The following PSIP1 variants were observed in gnomAD, a reference collection of about 807,000 sequenced individuals.
PSIP1 encodes PC4 and SFRS1-interacting protein.
A neutral mutation model predicts 74.7 loss-of-function variants in PSIP1; 19 were observed. That is an observed-to-expected ratio of 0.25 (90% CI 0.18 to 0.37). The LOEUF (loss-of-function observed/expected upper bound fraction) is 0.37, where lower values mean the gene tolerates loss of function less well. PSIP1 is among the 10% of genes least tolerant of loss of function. PSIP1 has a pLI of 1.00. For missense variants in PSIP1, 601 were observed against 614.3 expected (o/e 0.98, Z 0.23); for synonymous variants, 222 against 195.3 (o/e 1.14, Z -1.14).
intron 6 of PSIP1, among the ~76,000 whole-genome samples, 161 bp from the exon 7 acceptor site, chr9:15,479,848 T>C: frequency 6.6e-6 from 1 of 152,278 alleles, no homozygotes; most frequent in South Asian, 2.1e-4. Flanking sequence ...AAGAGTAACA[T>C]CTTCAAACTT....
chr9:15,468,055 G>A (rs902444521), intron 14 of PSIP1, among the ~76,000 whole-genome samples: 4 of 121,338 alleles, frequency 3.3e-5, no homozygotes, highest in Non-Finnish European at 6.5e-5. Context: ...AGAAGGTGGA[G>A]GGTTGTGGTG....
chr9:15,479,387 A>G (rs1221325303), intron 7 of PSIP1, among the ~76,000 whole-genome samples: 2 of 152,166 alleles, frequency 1.3e-5, no homozygotes, highest in African/African-American at 2.4e-5. Context: ...TAGGGAAAAC[A>G]TAACAGAGAT....
rs1263583084 is a variant in PSIP1, at chr9:15,510,248, C to A, written c.-60G>T. ...GAGGCGGCGAGGAGATGCGGCGGCGCGGGGATGCGGGCGGCGGACGCGGGC... is the reference window on the plus strand; with the variant it reads ...GAGGCGGCGAGGAGATGCGGCGGCGAGGGGATGCGGGCGGCGGACGCGGGC... On this transcript the variant is annotated 5_prime_UTR_variant, in exon 2 of 16. Transcript: ENST00000380733. 1.3e-6 allele frequency: 2 copies of A among 1,526,814 alleles called. No individual in the cohort carries two copies. The highest frequency in any genetic ancestry group is 2.4e-5 in the East Asian group (1 of 41,480). 94.6% of individuals were successfully genotyped at this position (1,526,814 alleles called of 1,614,324 possible).
chr9:15,464,561 A>G lies in PSIP1; in HGVS notation c.*959T>C, dbSNP rs1482363333. On this transcript the variant is annotated 3_prime_UTR_variant, in exon 16 of 16. Coordinates refer to ENST00000380733, the MANE Select transcript of PSIP1 (RefSeq NM_033222.5). ...TTTTGGAATCTAGAAAATAAAAACA[A>G]TATAGCCATGATTTCAAATAGGTGA... The G allele has an allele frequency of 1.0e-5, 2 of 199,572 alleles. No individual in the cohort carries two copies. Among genetic ancestry groups the G allele is most frequent in the Non-Finnish European group, 2.1e-5 (2 of 97,004 alleles). The allele number at this position is 199,572 out of a possible 1,614,324, so 12.4% of individuals were successfully genotyped here.
chr9:15,490,246 A>G (rs1382713980), intron 3 of PSIP1, 122 bp from the exon 4 acceptor site: 8 of 933,358 alleles, frequency 8.6e-6, no homozygotes, highest in East Asian at 5.9e-5. Context: ...CAAATCTTAA[A>G]TAAGTTAAAG....
chr9:15,484,787 C>T (rs2036487328), intron 6 of PSIP1, among the ~76,000 whole-genome samples: 1 of 151,506 alleles, frequency 6.6e-6, no homozygotes, highest in Non-Finnish European at 1.5e-5. Context: ...GTGGTGCATG[C>T]CTGTAATCCC....
rs759577979 is a variant in PSIP1, at chr9:15,506,649, GTGAGAA to G, written c.73-18_73-13del. The G allele has an allele frequency of 1.9e-6, 3 of 1,586,508 alleles. 1 individual carries two copies. The South Asian group carries it at 3.3e-5, about 18-fold the overall frequency. On this transcript the variant is annotated splice_polypyrimidine_tract_variant and intron_variant, in intron 2 of 15. Coordinates refer to ENST00000380733, the MANE Select transcript of PSIP1 (RefSeq NM_033222.5). ...GGAACTTCGTCTACCTAAAAGAAAA[GTGAGAA>G]AAATTAAAATATTTTAAATCATACA...
chr9:15,479,190 G>A, intron 7 of PSIP1, among the ~76,000 whole-genome samples: 1 of 152,034 alleles, frequency 6.6e-6, no homozygotes, highest in Admixed American at 6.5e-5. Context: ...GCTGCAAACT[G>A]TAAAAATCAA....
At chr9:15,487,764 C>G (rs1350972733) in intron 4 of PSIP1, among the ~76,000 whole-genome samples, 5 of 152,176 alleles carry the variant, frequency 3.3e-5, no homozygotes, top group Admixed American at 2.6e-4. Context: ...ATTCTTCTCA[C>G]ACGTGTACAT....
Position 15,472,741 on chromosome 9 carries a change from C to T in PSIP1, c.868G>A (p.Gly290Ser). 1 of 1,603,618 alleles carries T rather than the reference C, an allele frequency of 6.2e-7. No individual in the cohort carries two copies. Among genetic ancestry groups the T allele is most frequent in the African/African-American group, 1.3e-5 (1 of 74,266 alleles). ...TGAGCAGTCTGAAAGTTCCTCCCACCTTTTCTCTTCTGTTTTGAGAATTAG... is the reference window on the plus strand; with the variant it reads ...TGAGCAGTCTGAAAGTTCCTCCCACTTTTTCTCTTCTGTTTTGAGAATTAG... The part of the protein sequence containing the change: ...DDQEGEKKRK[G>S]GRNFQTAHRR... The change falls in exon 10 of 16, where the codon GGT becomes AGT. Residue 290 changes from glycine to serine, a missense_variant. Physicochemically the swap from Gly to Ser is moderately conservative, Grantham distance 56. This residue lies in a region of PSIP1 where 538 missense variants were observed against 507.6 expected (regional missense o/e 1.06). Coordinates refer to ENST00000380733, the MANE Select transcript of PSIP1 (RefSeq NM_033222.5).
At chr9:15,496,199 T>C (rs1400046630) in intron 3 of PSIP1, among the ~76,000 whole-genome samples, 2 of 152,242 alleles carry the variant, frequency 1.3e-5, no homozygotes, top group East Asian at 1.9e-4. Flanking sequence ...TTAGTTAATA[T>C]GGCAGGGTAG....
In PSIP1 at chr9:15,506,647, A is replaced by C. The variant is rs765072131; in HGVS notation, c.73-10T>G. Reference sequence around the variant, plus strand: ...CAGGAACTTCGTCTACCTAAAAGAAAAGTGAGAAAAATTAAAATATTTTAA... The same window carrying C: ...CAGGAACTTCGTCTACCTAAAAGAACAGTGAGAAAAATTAAAATATTTTAA... On this transcript the variant is annotated splice_polypyrimidine_tract_variant and intron_variant, in intron 2 of 15. Coordinates refer to ENST00000380733, the MANE Select transcript of PSIP1 (RefSeq NM_033222.5). 3 of 1,586,798 alleles carry C rather than the reference A, an allele frequency of 1.9e-6. No homozygotes were observed. The highest frequency in any genetic ancestry group is 2.2e-5 in the South Asian group (2 of 90,438).
In PSIP1 at chr9:15,470,934, T is replaced by TAAAAA. The variant is rs58019501; in HGVS notation, c.978-946_978-942dup. The TAAAAA allele has an allele frequency of 8.6e-5, 81 of 937,434 alleles. 1 individual carries two copies. The African/African-American group carries it at 1.4e-3, about 16-fold the overall frequency. The allele number at this position is 937,434 out of a possible 1,614,324, so 58.1% of individuals were successfully genotyped here. ...CACAAAGCTTCATTTTAAGCTTGGT[T>TAAAAA]AAAAAAAAAAAAAAAAAAAAAAAAC... On this transcript the variant is annotated intron_variant, in intron 10 of 15. Coordinates refer to ENST00000380733, the MANE Select transcript of PSIP1 (RefSeq NM_033222.5).
At chr9:15,503,030 A>G (rs967591044) in intron 3 of PSIP1, among the ~76,000 whole-genome samples, 4 of 152,240 alleles carry the variant, frequency 2.6e-5, no homozygotes, top group Admixed American at 6.5e-5. Context: ...CCTTTCTTCT[A>G]GTTTAGCAGA....
chr9:15,503,244 G>A (rs1415051906), intron 3 of PSIP1, among the ~76,000 whole-genome samples: 1 of 151,992 alleles, frequency 6.6e-6, no homozygotes, highest in African/African-American at 2.4e-5. Flanking sequence ...GCGGGTGCCT[G>A]TAATCCTGAC....
In PSIP1 at chr9:15,469,318, C is replaced by A; in HGVS notation, c.1052G>T (p.Arg351Leu). The A allele has an allele frequency of 1.3e-6, 2 of 1,569,114 alleles. No homozygotes were observed. Among genetic ancestry groups the A allele is most frequent in the South Asian group, 1.2e-5 (1 of 85,004 alleles). The change falls in exon 12 of 16, where the codon CGA (arginine) becomes CTA (leucine). Residue 351 changes from arginine (R) to leucine (L), a missense_variant. Around this residue, in one of 2 missense-constraint regions of PSIP1, gnomAD observed 538 missense variants for 507.6 expected, o/e 1.06. Coordinates refer to ENST00000380733, the MANE Select transcript of PSIP1 (RefSeq NM_033222.5). ...EKKRETSMDSRLQRIHAEIKN... is the reference protein window; with the variant it reads ...EKKRETSMDSLLQRIHAEIKN... ...AATCTCAGCATGTATCCTTTGAAGT[C>A]GAGAATCCATTGATGTTTCTACAAA...
At chr9:15,504,898 A>G (rs2037514270) in intron 3 of PSIP1, 1 of 152,048 alleles carries the variant, frequency 6.6e-6, no homozygotes, top group African/African-American at 2.4e-5. Context: ...GCTTGTTAAA[A>G]CAGGTCTTTG....
intron 14 of PSIP1, chr9:15,468,319 AG>A (rs2132036436): frequency 1.7e-6 from 1 of 583,942 alleles, no homozygotes; most frequent in African/African-American, 1.8e-5. Flanking sequence ...CTGAGCAACC[AG>A]GAAGTGGGTA....
intron 3 of PSIP1, among the ~76,000 whole-genome samples, chr9:15,497,881 T>A (rs945841411): frequency 6.6e-6 from 1 of 152,198 alleles, no homozygotes; most frequent in Non-Finnish European, 1.5e-5. Flanking sequence ...TATATACATA[T>A]ATAACTATGC....
Sources: allele counts gnomAD v4.1 joint callset (sites outside exome capture counted in the v4.1 genomes callset), GRCh38; gene constraint gnomAD v4.1.1; regional missense constraint gnomAD v4.1.1; transcripts MANE v1.5; gene names NCBI Gene and HGNC (gene_info 2026-07-23, HGNC 2026-07-21).